The following OPRM1 variants were observed in gnomAD, a reference collection of about 807,000 sequenced individuals.
OPRM1 encodes opioid receptor mu 1, also known as mu-type opioid receptor.
OPRM1 carries 27 observed loss-of-function variants against 31.8 expected under a neutral mutation model. The ratio of observed to expected loss-of-function variants is 0.85; its 90% CI spans 0.63 to 1.17. The LOEUF (loss-of-function observed/expected upper bound fraction) is 1.17, where lower values mean the gene tolerates loss of function less well. Ranked by LOEUF, OPRM1 falls within the 50% of genes most tolerant of loss-of-function variation. The pLI, the probability that OPRM1 is intolerant of heterozygous loss-of-function variation, is 0.00. For missense variants in OPRM1, 536 were observed against 511.1 expected (o/e 1.05, Z -0.47); for synonymous variants, 196 against 189.9 (o/e 1.03, Z -0.26).
At chr6:154,235,123 C>T (rs115189817) in intron 3 of OPRM1, among the ~76,000 whole-genome samples, 2,395 of 152,320 alleles carry the variant, frequency 0.016, 51 homozygotes, top group African/African-American at 0.053. Context: ...TCATCTCTTG[C>T]TATCTAATTA....
chr6:154,188,318 A>G (rs1247567017), intron 3 of OPRM1, among the ~76,000 whole-genome samples: 1 of 152,258 alleles, frequency 6.6e-6, no homozygotes, highest in Admixed American at 6.5e-5. Flanking sequence ...TTCATAGAAA[A>G]TATAAATTGT....
At chr6:154,112,430 C>T (rs1293449484) in intron 3 of OPRM1, among the ~76,000 whole-genome samples, 1 of 152,188 alleles carries the variant, frequency 6.6e-6, no homozygotes, top group Non-Finnish European at 1.5e-5. Flanking sequence ...GATGTGACAC[C>T]ATGAACCCAA....
chr6:154,055,270 C>T (rs1379836762), intron 1 of OPRM1, among the ~76,000 whole-genome samples: 1 of 152,142 alleles, frequency 6.6e-6, no homozygotes, highest in Non-Finnish European at 1.5e-5. Flanking sequence ...TGCCTGTAAT[C>T]CCAGCTACTT....
chr6:154,119,321 G>T lies in OPRM1; in HGVS notation c.*600G>T. 1.0e-6 allele frequency: 1 copy of T among 985,362 alleles called. No individual in the cohort carries two copies. Among genetic ancestry groups the T allele is most frequent in the Non-Finnish European group, 1.2e-6 (1 of 829,918 alleles). The allele number at this position is 985,362 out of a possible 1,614,324, so 61.0% of individuals were successfully genotyped here. The stretch of plus-strand genomic sequence containing the variant: ...TTTCATCTAGCTCCATAATTGCAAG[G>T]GAAGAGATTAGCATGAAAGGTAATC... On this transcript the variant is annotated 3_prime_UTR_variant, in exon 4 of 4. Coordinates refer to ENST00000330432, the MANE Select transcript of OPRM1 (RefSeq NM_000914.5).
Position 154,015,927 on chromosome 6 carries a change from G to A in OPRM1, c.-1+4909G>A, listed in dbSNP as rs202165261. On this transcript the variant is annotated intron_variant, in intron 1 of 5. Transcript: ENST00000434900. ...CTGAGATATCATTTCTCACCTACTAGATCAGCACAAATCCAAGAGGTTGAA... is the reference window on the plus strand; with the variant it reads ...CTGAGATATCATTTCTCACCTACTAAATCAGCACAAATCCAAGAGGTTGAA... Among the ~76,000 whole-genome samples the A allele has an allele frequency of 2.0e-4, 31 of 151,992 alleles. No individual in the cohort carries two copies. In the East Asian group the frequency reaches 5.0e-3, roughly 25 times the overall value.
intron 1 of OPRM1, among the ~76,000 whole-genome samples, chr6:154,062,548 C>G (rs1235468379): frequency 6.6e-6 from 1 of 151,936 alleles, no homozygotes; most frequent in Non-Finnish European, 1.5e-5. Context: ...AAAATACCTT[C>G]CAAAAAAACT....
At chr6:154,242,353 A>C (rs887550144) in intron 3 of OPRM1, among the ~76,000 whole-genome samples, 2 of 152,200 alleles carry the variant, frequency 1.3e-5, no homozygotes, top group African/African-American at 4.8e-5. Flanking sequence ...TTTTCTGTCA[A>C]AATCAGTCCT....
At chr6:154,209,089 C>T (rs1171891329) in intron 3 of OPRM1, among the ~76,000 whole-genome samples, 1 of 152,112 alleles carries the variant, frequency 6.6e-6, no homozygotes, top group African/African-American at 2.4e-5. Flanking sequence ...GAAGTCCAAA[C>T]TGGTTTCATT....
chr6:154,153,502 G>A (rs1798599056), intron 3 of OPRM1, among the ~76,000 whole-genome samples: 1 of 152,136 alleles, frequency 6.6e-6, no homozygotes, highest in Admixed American at 6.5e-5. Flanking sequence ...TGCCCAACAC[G>A]GCGAAGTCCC....
chr6:154,075,039 A>G (rs1226749805), intron 1 of OPRM1, among the ~76,000 whole-genome samples: 1 of 152,184 alleles, frequency 6.6e-6, no homozygotes, highest in Non-Finnish European at 1.5e-5. Context: ...TTCTTGCCAC[A>G]TTTTAATAAA....
intron 1 of OPRM1, chr6:154,046,791 C>T (rs1167977678): frequency 6.6e-6 from 1 of 152,154 alleles, no homozygotes; most frequent in African/African-American, 2.4e-5. Context: ...GCACTCTGCG[C>T]CTCACTCTCC....
At chr6:154,202,379 T>C (rs1422511187) in intron 3 of OPRM1, among the ~76,000 whole-genome samples, 1 of 152,182 alleles carries the variant, frequency 6.6e-6, no homozygotes, top group East Asian at 1.9e-4. Flanking sequence ...GAGGAGGGAA[T>C]GCACTACCCC....
intron 1 of OPRM1, among the ~76,000 whole-genome samples, chr6:154,071,162 A>C (rs1051237488): frequency 6.6e-6 from 1 of 152,220 alleles, no homozygotes; most frequent in African/African-American, 2.4e-5. Context: ...AAGAGACTTA[A>C]CCTAGATCAT....
rs1341313224 is a variant in OPRM1, at chr6:154,121,077, G to A, written c.*2356G>A. Among the ~76,000 whole-genome samples the A allele has an allele frequency of 6.6e-6, 1 of 152,132 alleles. No homozygotes were observed. Among genetic ancestry groups the A allele is most frequent in the Non-Finnish European group, 1.5e-5 (1 of 68,012 alleles). On this transcript the variant is annotated 3_prime_UTR_variant, in exon 4 of 4. Coordinates refer to ENST00000330432, the MANE Select transcript of OPRM1 (RefSeq NM_000914.5). The stretch of plus-strand genomic sequence containing the variant: ...CATTACAACCCTGACTCAACTGGAT[G>A]GGCTAAGGTTTCTGATAAAATCTGA...
chr6:154,056,127 T>TTTTC (rs1350329872), intron 1 of OPRM1, among the ~76,000 whole-genome samples: 2 of 147,018 alleles, frequency 1.4e-5, no homozygotes, highest in Admixed American at 6.8e-5. Flanking sequence ...TTCTTTTTTC[T>TTTTC]TTTTCTTTTT....
intron 3 of OPRM1, among the ~76,000 whole-genome samples, chr6:154,098,008 T>C (rs1793705597): frequency 6.6e-6 from 1 of 152,214 alleles, no homozygotes; most frequent in Non-Finnish European, 1.5e-5. Flanking sequence ...GGCAGGAGGA[T>C]TGTTTGAGGC....
intron 1 of OPRM1, among the ~76,000 whole-genome samples, chr6:154,075,329 G>A (rs1445305516): frequency 6.6e-6 from 1 of 152,110 alleles, no homozygotes; most frequent in Non-Finnish European, 1.5e-5. Flanking sequence ...ATGATACGGT[G>A]AGCAATAGGA....
At chr6:154,200,876 A>T (rs1777012473) in intron 3 of OPRM1, among the ~76,000 whole-genome samples, 1 of 152,148 alleles carries the variant, frequency 6.6e-6, no homozygotes, top group Admixed American at 6.5e-5. Flanking sequence ...ATCACCAATG[A>T]TATGGTTGGT....
At chr6:154,219,576 T>C (rs1355916818) in intron 3 of OPRM1, among the ~76,000 whole-genome samples, 1 of 152,022 alleles carries the variant, frequency 6.6e-6, no homozygotes, top group Non-Finnish European at 1.5e-5. Context: ...CCTTGTGCCT[T>C]CCACATCCCA....
Sources: allele counts gnomAD v4.1 joint callset (sites outside exome capture counted in the v4.1 genomes callset), GRCh38; gene constraint gnomAD v4.1.1; transcripts MANE v1.5; gene names NCBI Gene and HGNC (gene_info 2026-07-23, HGNC 2026-07-21).